Variants in GFM1 observed in about 807,000 individuals in gnomAD.
GFM1 encodes G elongation factor mitochondrial 1, also known as elongation factor G, mitochondrial.
A neutral mutation model predicts 96.2 loss-of-function variants in GFM1; 62 were observed. That is an observed-to-expected ratio of 0.64 (90% confidence interval 0.53 to 0.80). The LOEUF (loss-of-function observed/expected upper bound fraction) is 0.80. Ranked by LOEUF, GFM1 falls within the 30% of genes least tolerant of loss-of-function variation. The pLI is 0.00. For missense variants in GFM1, 852 were observed against 916.6 expected (o/e 0.93, Z 0.91); for synonymous variants, 282 against 312.9 (o/e 0.90, Z 1.04).
chr3:158,690,894 G>A (rs1726257933), intron 16 of GFM1, among the ~76,000 whole-genome samples: 1 of 152,178 alleles, frequency 6.6e-6, no homozygotes, highest in Admixed American at 6.5e-5. Context: ...GGCTGTCAAT[G>A]GTGTTCACTC....
rs773470722 is a variant in GFM1 at position 158,665,480 on chromosome 3, GA to G, written c.1518+8del. 2.8e-5 allele frequency: 45 copies of G among 1,604,344 alleles called. No individual in the cohort carries two copies. In the South Asian group the frequency reaches 4.2e-4, roughly 15 times the overall value. On this transcript the variant is annotated splice_region_variant and intron_variant, in intron 12 of 17. Transcript: ENST00000486715. ...ACCTGGAAATCTATGCTCAGGTAAT[GA>G]ATAATAAGGAAGTTAAGTTGAAATC...
intron 13 of GFM1, among the ~76,000 whole-genome samples, chr3:158,667,339 G>A (rs938781598): frequency 9.9e-5 from 15 of 152,066 alleles, no homozygotes; most frequent in Admixed American, 9.2e-4. Flanking sequence ...CCAAGTTGTG[G>A]TGGCTACTTA....
At position 158,658,953 on chromosome 3, in the gene GFM1, G is replaced by A. The variant is rs1232426531; in HGVS notation, c.1115G>A (p.Arg372His). The change falls in exon 9 of 18, where the codon CGC becomes CAC. Residue 372 changes from arginine (R) to histidine (H), a missense_variant. By Grantham distance (29) the Arg-to-His change is conservative (BLOSUM62 0). Coordinates refer to ENST00000486715, the MANE Select transcript of GFM1 (RefSeq NM_024996.7). ...VGRFGQLTYV[R>H]SYQGELKKGD... is the part of the protein sequence containing the mutation. ...CGATTTGGACAATTAACTTATGTTC[G>A]CAGTTATCAGGGAGAGCTAAAGAAG... 10 of 1,613,904 alleles carry A rather than the reference G, an allele frequency of 6.2e-6. No individual in the cohort carries two copies. Among genetic ancestry groups the A allele is most frequent in the East Asian group, 2.2e-5 (1 of 44,888 alleles).
rs947547675 is a variant in GFM1 at position 158,691,584 on chromosome 3, G to C, written c.*117G>C. 1.7e-6 allele frequency: 2 copies of C among 1,164,890 alleles called. No individual in the cohort carries two copies. Among genetic ancestry groups the C allele is most frequent in the African/African-American group, 3.1e-5 (2 of 64,378 alleles). 72.2% of individuals were successfully genotyped at this position (1,164,890 alleles called of 1,614,324 possible). A position where few individuals can be genotyped will look rare whatever the true frequency, so the allele number is the denominator to read the frequency against. On this transcript the variant is annotated 3_prime_UTR_variant, in exon 18 of 18. Transcript: ENST00000486715. ...ACAAGAAATTCTGAGCCCAGGAAGC[G>C]GGCTCTTCTTTCTTCAAAAGAAGCC...
intron 13 of GFM1, 27 bp from the exon 14 acceptor site, chr3:158,681,968 A>ATTTTTTTTTTTTTT: frequency 2.1e-6 from 3 of 1,458,448 alleles, no homozygotes; most frequent in African/African-American, 1.4e-5. Flanking sequence ...ATAATGCTCC[A>ATTTTTTTTTTTTTT]TTTTTTTTTT....
chr3:158,661,439 A>C lies in GFM1; in HGVS notation c.1323+464A>C, dbSNP rs16829266. Among the ~76,000 whole-genome samples the C allele has an allele frequency of 5.9e-5, 9 of 152,344 alleles. 1 individual carries two copies. Among genetic ancestry groups the C allele is most frequent in the East Asian group, 3.9e-4 (2 of 5,186 alleles). On this transcript the variant is annotated intron_variant, in intron 10 of 17. Transcript: ENST00000486715. ...CTTTTGAGACCAGACTGTAACATTT[A>C]GACTAGACTTGGGATAACAGAACAT... is the stretch of plus-strand genomic sequence containing the variant.
intron 5 of GFM1, chr3:158,649,453 A>G (rs1722116859): frequency 3.5e-6 from 1 of 284,692 alleles, no homozygotes; most frequent in Non-Finnish European, 6.7e-6. Context: ...TAGTGAATGT[A>G]TTGTATCTTT....
Position 158,653,468 on chromosome 3 carries a change from G to T in GFM1, c.998+1G>T. ...ACTATGCTATTCTCAATAAAGAGGA[G>T]TAAGTCTTGAAAATTGAATCTTAGT... On this transcript the variant is annotated splice_donor_variant, in intron 7 of 17. Coordinates refer to ENST00000486715, the MANE Select transcript of GFM1 (RefSeq NM_024996.7). LOFTEE classifies it high-confidence loss of function. The T allele has an allele frequency of 6.2e-7, 1 of 1,609,414 alleles. No homozygotes were observed. Among genetic ancestry groups the T allele is most frequent in the African/African-American group, 1.3e-5 (1 of 74,938 alleles).
At position 158,690,443 on chromosome 3, in the gene GFM1, G is replaced by A. The variant is rs1052566288; in HGVS notation, c.2070+120G>A. 5 of 935,608 alleles carry A rather than the reference G, an allele frequency of 5.3e-6. No individual in the cohort carries two copies. In the African/African-American group the frequency reaches 6.5e-5, roughly 12 times the overall value. The allele number at this position is 935,608 out of a possible 1,614,324, so 58.0% of individuals were successfully genotyped here. A position where few individuals can be genotyped will look rare whatever the true frequency, so the allele number is the denominator to read the frequency against. ...CTGAATTTGTGGCTTTATACATGTG[G>A]CATTTTCTGTAATTTGCTATTAAAG... On this transcript the variant is annotated intron_variant, in intron 16 of 17. Transcript: ENST00000486715.
chr3:158,649,490 T>A (rs1722118869), intron 5 of GFM1: 2 of 245,344 alleles, frequency 8.2e-6, no homozygotes, highest in Non-Finnish European at 1.6e-5. Context: ...ATTCATTCAT[T>A]CTGTGGACTT....
At chr3:158,652,687 T>C (rs1722395272) in intron 6 of GFM1, among the ~76,000 whole-genome samples, 2 of 152,228 alleles carry the variant, frequency 1.3e-5, no homozygotes, top group Admixed American at 6.5e-5. Context: ...GCTGCTACTG[T>C]CATGACCTGT....
chr3:158,649,000 G>A (rs1048502668), intron 4 of GFM1, 41 bp from the exon 5 acceptor site: 7 of 896,496 alleles, frequency 7.8e-6, no homozygotes, highest in Non-Finnish European at 1.3e-5. Flanking sequence ...AGGGATTAGG[G>A]GAGAAGAAAA....
At chr3:158,674,670 T>G (rs1724715893) in intron 13 of GFM1, among the ~76,000 whole-genome samples, 1 of 152,200 alleles carries the variant, frequency 6.6e-6, no homozygotes, top group Non-Finnish European at 1.5e-5. Context: ...TACTTCAAGG[T>G]TTTTTATTAA....
intron 13 of GFM1, among the ~76,000 whole-genome samples, chr3:158,679,177 A>G (rs2052335328): frequency 6.6e-6 from 1 of 152,240 alleles, no homozygotes; most frequent in Admixed American, 6.5e-5. Context: ...TTTTAGCAAT[A>G]CAGTATTTTT....
At position 158,660,937 on chromosome 3, in the gene GFM1, G is replaced by GAC; in HGVS notation, c.1289_1290dup (p.Phe431HisfsTer24). 6.2e-7 allele frequency: 1 copy of GAC among 1,614,022 alleles called. No homozygotes were observed. The highest frequency in any genetic ancestry group is 8.5e-7 in the Non-Finnish European group (1 of 1,179,918). On this transcript the variant is annotated frameshift_variant, in exon 10 of 18. Coordinates refer to ENST00000486715, the MANE Select transcript of GFM1 (RefSeq NM_024996.7). LOFTEE classifies it high-confidence loss of function. ...GTTTGGCATTGACTGTGCTAGTGGAGACACATTCACAGACAAAGCCAACAG... is the reference window on the plus strand; with the variant it reads ...GTTTGGCATTGACTGTGCTAGTGGAGACACACATTCACAGACAAAGCCAACAG...
rs1725683439 is a variant in GFM1, at chr3:158,684,677, G to C, written c.1909+9G>C. On this transcript the variant is annotated intron_variant, in intron 15 of 17. Coordinates refer to ENST00000486715, the MANE Select transcript of GFM1 (RefSeq NM_024996.7). Reference sequence around the variant, plus strand: ...AGGTGCTCTTAAACAAGGTATGCTGGGTCCGGGCACCTTAGCCTGTCTGTT... The same window carrying C: ...AGGTGCTCTTAAACAAGGTATGCTGCGTCCGGGCACCTTAGCCTGTCTGTT... 1 of 1,613,726 alleles carries C rather than the reference G, an allele frequency of 6.2e-7. No homozygotes were observed. Among genetic ancestry groups the C allele is most frequent in the African/African-American group, 1.3e-5 (1 of 74,976 alleles).
Position 158,646,741 on chromosome 3 carries a change from A to G in GFM1, c.368-2A>G, listed in dbSNP as rs1416173655. The G allele has an allele frequency of 6.2e-6, 10 of 1,611,910 alleles. No homozygotes were observed. Among genetic ancestry groups the G allele is most frequent in the African/African-American group, 5.3e-5 (4 of 74,910 alleles). On this transcript the variant is annotated splice_acceptor_variant, in intron 3 of 17. Transcript: ENST00000486715. LOFTEE classifies it high-confidence loss of function. ...GACCCTCTCATACTTCATCTTATTC[A>G]GGGCATGTGGACTTCACAATAGAAG...
intron 5 of GFM1, among the ~76,000 whole-genome samples, chr3:158,651,539 T>C (rs1209711203): frequency 6.6e-6 from 1 of 152,214 alleles, no homozygotes; most frequent in East Asian, 1.9e-4. Context: ...GTTTAGCGCT[T>C]ACTGCATTAT....
chr3:158,690,935 C>T (rs531885015), intron 16 of GFM1, among the ~76,000 whole-genome samples: 6 of 152,334 alleles, frequency 3.9e-5, no homozygotes, highest in East Asian at 3.9e-4. Flanking sequence ...TTTCTGGTTG[C>T]GACTGTCAAA....
Sources: allele counts gnomAD v4.1 joint callset (sites outside exome capture counted in the v4.1 genomes callset), GRCh38; gene constraint gnomAD v4.1.1; transcripts MANE v1.5; gene names NCBI Gene and HGNC (gene_info 2026-07-23, HGNC 2026-07-21).